The following ADAMTS6 variants were observed in gnomAD, a reference collection of about 807,000 sequenced individuals.
The protein encoded by ADAMTS6 is ADAM metallopeptidase with thrombospondin type 1 motif 6.
In ADAMTS6, 23 loss-of-function variants were observed where a neutral mutation model predicts 144.3. That is an observed-to-expected ratio of 0.16 (90% confidence interval 0.11 to 0.23). The LOEUF (loss-of-function observed/expected upper bound fraction) is 0.23, where lower values mean the gene tolerates loss of function less well. ADAMTS6 is among the 10% of genes least tolerant of loss of function. The pLI, the probability that ADAMTS6 is intolerant of heterozygous loss-of-function variation, is 1.00. For synonymous variants in ADAMTS6, 444 were observed against 457.5 expected (o/e 0.97, Z 0.38); for missense variants, 999 against 1,379.6 (o/e 0.72, Z 4.37).
chr5:65,179,444 TAGCCAAAAC>T (rs1754193966), intron 22 of ADAMTS6, among the ~76,000 whole-genome samples: 2 of 152,136 alleles, frequency 1.3e-5, no homozygotes, highest in South Asian at 4.1e-4. Flanking sequence ...AGTAAGGTGT[TAGCCAAAAC>T]AAAAGAAAAA....
chr5:65,211,423 GAA>G (rs757437672), intron 20 of ADAMTS6, among the ~76,000 whole-genome samples: 25 of 152,172 alleles, frequency 1.6e-4, no homozygotes, highest in Admixed American at 4.6e-4. Context: ...CCAACATGGT[GAA>G]ACTCCGTCTC....
intron 7 of ADAMTS6, among the ~76,000 whole-genome samples, chr5:65,427,462 T>C (rs995111194): frequency 1.3e-5 from 2 of 152,198 alleles, no homozygotes; most frequent in Admixed American, 6.5e-5. Flanking sequence ...TTATTTGGTA[T>C]ACAGATAAAC....
At position 65,150,664 on chromosome 5, in the gene ADAMTS6, G is replaced by A. The variant is rs1041400962; in HGVS notation, c.*1172C>T. The A allele has an allele frequency of 5.9e-5, 9 of 152,590 alleles. No individual in the cohort carries two copies. Among genetic ancestry groups the A allele is most frequent in the Non-Finnish European group, 8.8e-5 (6 of 68,028 alleles). 9.5% of individuals were successfully genotyped at this position (152,590 alleles called of 1,614,324 possible). Reference sequence around the variant, plus strand: ...CACAGAAATAGCACATTATGTGCAAGCACACTCATCTATCCACACACTTAA... The same window carrying A: ...CACAGAAATAGCACATTATGTGCAAACACACTCATCTATCCACACACTTAA... On this transcript the variant is annotated 3_prime_UTR_variant, in exon 25 of 25. Coordinates refer to ENST00000381055, the MANE Select transcript of ADAMTS6 (RefSeq NM_197941.4).
chr5:65,172,330 C>G (rs1753684059), intron 23 of ADAMTS6, among the ~76,000 whole-genome samples: 1 of 150,934 alleles, frequency 6.6e-6, no homozygotes. Flanking sequence ...AGGAGGATGG[C>G]CTGAACCCAG....
At chr5:65,439,338 GA>G (rs1757697422) in intron 7 of ADAMTS6, among the ~76,000 whole-genome samples, 1 of 152,052 alleles carries the variant, frequency 6.6e-6, no homozygotes, top group Admixed American at 6.5e-5. Context: ...ATTAAAATGG[GA>G]AAAATTACAA....
At chr5:65,337,186 G>C (rs1747386237) in intron 7 of ADAMTS6, among the ~76,000 whole-genome samples, 2 of 151,908 alleles carry the variant, frequency 1.3e-5, no homozygotes, top group Admixed American at 1.3e-4. Flanking sequence ...TTCAAATATA[G>C]AATTGATGAA....
intron 14 of ADAMTS6, among the ~76,000 whole-genome samples, chr5:65,247,954 G>A (rs1759777915): frequency 6.6e-6 from 1 of 152,108 alleles, no homozygotes; most frequent in African/African-American, 2.4e-5. Context: ...CCTGTTTGTT[G>A]AGGGAGTTTG....
At chr5:65,418,685 G>A (rs1472971235) in intron 7 of ADAMTS6, among the ~76,000 whole-genome samples, 1 of 151,936 alleles carries the variant, frequency 6.6e-6, no homozygotes, top group Non-Finnish European at 1.5e-5. Flanking sequence ...AATCTACCAG[G>A]AACTTAAACA....
chr5:65,220,301 C>G (rs1757228657), intron 18 of ADAMTS6, among the ~76,000 whole-genome samples: 1 of 151,852 alleles, frequency 6.6e-6, no homozygotes, highest in Non-Finnish European at 1.5e-5. Context: ...TAAAATGTAT[C>G]ATATGTCTGA....
At chr5:65,279,270 A>G (rs1762804888) in intron 11 of ADAMTS6, among the ~76,000 whole-genome samples, 1 of 149,834 alleles carries the variant, frequency 6.7e-6, no homozygotes, top group Non-Finnish European at 1.5e-5. Flanking sequence ...GTTGCTTCCA[A>G]TTTTTTTCTC....
chr5:65,164,344 A>C (rs1753005303), intron 24 of ADAMTS6, among the ~76,000 whole-genome samples: 1 of 152,212 alleles, frequency 6.6e-6, no homozygotes. Flanking sequence ...ACGGCGCACC[A>C]GGAGATTATA....
intron 12 of ADAMTS6, among the ~76,000 whole-genome samples, chr5:65,270,586 T>G (rs1292918771): frequency 6.6e-6 from 1 of 152,224 alleles, no homozygotes; most frequent in Non-Finnish European, 1.5e-5. Flanking sequence ...TTTCTAGGAA[T>G]CTGCATTTGT....
chr5:65,454,034 A>G (rs1050521037), intron 4 of ADAMTS6, among the ~76,000 whole-genome samples: 1 of 152,156 alleles, frequency 6.6e-6, no homozygotes, highest in African/African-American at 2.4e-5. Context: ...TCATGAAGGA[A>G]TGAAAACCAT....
rs150468785 is a variant in ADAMTS6 at position 65,391,636 on chromosome 5, A to G, written c.1074-57551T>C. Among the ~76,000 whole-genome samples the G allele has an allele frequency of 2.4e-4, 36 of 152,246 alleles. No homozygotes were observed. In the East Asian group the frequency reaches 6.9e-3, roughly 29 times the overall value. ...TAGTATTTATTTTTTCTCTTCTAGTACAGGACCCAGTTTAGGGTTAGACAT... is the reference window on the plus strand; with the variant it reads ...TAGTATTTATTTTTTCTCTTCTAGTGCAGGACCCAGTTTAGGGTTAGACAT... On this transcript the variant is annotated intron_variant, in intron 7 of 24. Coordinates refer to ENST00000381055, the MANE Select transcript of ADAMTS6 (RefSeq NM_197941.4).
intron 3 of ADAMTS6, among the ~76,000 whole-genome samples, chr5:65,461,154 C>T (rs948951587): frequency 6.6e-6 from 1 of 152,166 alleles, no homozygotes; most frequent in East Asian, 1.9e-4. Context: ...ACTCAGTTAT[C>T]TCTCCTCTTT....
At chr5:65,319,818 A>G (rs1745416080) in intron 9 of ADAMTS6, among the ~76,000 whole-genome samples, 1 of 151,008 alleles carries the variant, frequency 6.6e-6, no homozygotes, top group Non-Finnish European at 1.5e-5. Flanking sequence ...ACAATAGAGA[A>G]TATCAATGAA....
At chr5:65,185,835 T>C (rs1754646609) in intron 22 of ADAMTS6, among the ~76,000 whole-genome samples, 1 of 152,154 alleles carries the variant, frequency 6.6e-6, no homozygotes, top group Non-Finnish European at 1.5e-5. Context: ...ACACAAGCTA[T>C]CTCTCAAGGT....
chr5:65,269,161 A>G (rs1476461901), intron 12 of ADAMTS6, among the ~76,000 whole-genome samples: 2 of 152,220 alleles, frequency 1.3e-5, no homozygotes, highest in Non-Finnish European at 2.9e-5. Flanking sequence ...AGGTTGGCAA[A>G]TAACAATGAA....
At chr5:65,392,246 T>C (rs1184230024) in intron 7 of ADAMTS6, among the ~76,000 whole-genome samples, 1 of 74,010 alleles carries the variant, frequency 1.4e-5, no homozygotes, top group Non-Finnish European at 3.2e-5. Flanking sequence ...ACTACATAAA[T>C]AGTAGACTTT....
Sources: allele counts gnomAD v4.1 joint callset (sites outside exome capture counted in the v4.1 genomes callset), GRCh38; gene constraint gnomAD v4.1.1; transcripts MANE v1.5; gene names NCBI Gene and HGNC (gene_info 2026-07-23, HGNC 2026-07-21).